The following PTPRO variants were observed in gnomAD, a reference collection of about 807,000 sequenced individuals.
The protein encoded by PTPRO is receptor-type tyrosine-protein phosphatase O.
A neutral mutation model predicts 145.2 loss-of-function variants in PTPRO; 62 were observed. That is an observed-to-expected ratio of 0.43 (90% CI 0.35 to 0.53). The LOEUF (loss-of-function observed/expected upper bound fraction) is 0.53, where lower values mean the gene tolerates loss of function less well. Among genes scored for constraint, PTPRO ranks in the 20% least tolerant of loss-of-function variants. PTPRO has a pLI of 0.01. For missense variants in PTPRO, 1,345 were observed against 1,482.7 expected (o/e 0.91, Z 1.53); for synonymous variants, 565 against 514.7 (o/e 1.10, Z -1.32).
intron 10 of PTPRO, among the ~76,000 whole-genome samples, chr12:15,523,569 G>A (rs1187721706): frequency 1.3e-5 from 2 of 152,044 alleles, no homozygotes; most frequent in Non-Finnish European, 2.9e-5. Flanking sequence ...GAGCCCAGGA[G>A]TTCAAGACAA....
At chr12:15,563,166 T>A (rs1943817188) in intron 17 of PTPRO, among the ~76,000 whole-genome samples, 2 of 152,144 alleles carry the variant, frequency 1.3e-5, no homozygotes, top group Non-Finnish European at 2.9e-5. Context: ...TTACCTAATA[T>A]AAGTGAAAGA....
At chr12:15,336,231 T>TA (rs201694522) in intron 1 of PTPRO, among the ~76,000 whole-genome samples, 34,666 of 146,302 alleles carry the variant, frequency 0.24, 4,212 homozygotes, top group Non-Finnish European at 0.3. Context: ...GTGTGTATGT[T>TA]AAAAAAAAAA....
chr12:15,366,240 G>A (rs193031098), intron 1 of PTPRO, among the ~76,000 whole-genome samples: 5 of 152,134 alleles, frequency 3.3e-5, no homozygotes, highest in Admixed American at 6.5e-5. Context: ...AAATACTTTC[G>A]GTTGCTAGTT....
intron 1 of PTPRO, among the ~76,000 whole-genome samples, chr12:15,389,386 C>G (rs144998687): frequency 6.6e-6 from 1 of 152,012 alleles, no homozygotes; most frequent in East Asian, 1.9e-4. Flanking sequence ...GGATTACAGG[C>G]GAGAGACACC....
chr12:15,586,882 CT>C lies in PTPRO; in HGVS notation c.3256-9del. 1 of 1,613,842 alleles carries C rather than the reference CT, an allele frequency of 6.2e-7. No homozygotes were observed. On this transcript the variant is annotated splice_polypyrimidine_tract_variant and intron_variant, in intron 23 of 26. Coordinates refer to ENST00000281171, the MANE Select transcript of PTPRO (RefSeq NM_030667.3). Reference sequence around the variant, plus strand: ...CTGAAAAATTAATGCTTGTTTTTGGCTTTTTTCTCTAAAGGCTGACGAGATG... The same window carrying C: ...CTGAAAAATTAATGCTTGTTTTTGGCTTTTTCTCTAAAGGCTGACGAGATG...
At chr12:15,592,134 T>C (rs920796054) in intron 25 of PTPRO, among the ~76,000 whole-genome samples, 3 of 152,130 alleles carry the variant, frequency 2.0e-5, no homozygotes, top group Non-Finnish European at 4.4e-5. Context: ...TACCTTTATT[T>C]TTTCCTTGTT....
chr12:15,466,179 T>C (rs1055773721), intron 1 of PTPRO, among the ~76,000 whole-genome samples: 4 of 152,216 alleles, frequency 2.6e-5, no homozygotes, highest in African/African-American at 9.6e-5. Context: ...TCCTGTTGTT[T>C]TCATAATTCT....
At chr12:15,362,660 G>T (rs923618597) in intron 1 of PTPRO, among the ~76,000 whole-genome samples, 2 of 151,798 alleles carry the variant, frequency 1.3e-5, no homozygotes, top group South Asian at 4.2e-4. Flanking sequence ...AGTGAATTAA[G>T]AACATGAAAT....
At chr12:15,486,966 C>T (rs1407962290) in intron 2 of PTPRO, among the ~76,000 whole-genome samples, 2 of 152,040 alleles carry the variant, frequency 1.3e-5, no homozygotes, top group East Asian at 1.9e-4. Context: ...AGACACCTTT[C>T]GTTCATCACA....
In PTPRO at chr12:15,426,481, T is replaced by C. The variant is rs987155700; in HGVS notation, c.76-57493T>C. Among the ~76,000 whole-genome samples, 6 of 152,216 alleles carry C rather than the reference T, an allele frequency of 3.9e-5. No individual in the cohort carries two copies. The East Asian group carries it at 5.8e-4, about 15-fold the overall frequency. The stretch of plus-strand genomic sequence containing the variant: ...TTAATTTTCTAGTTCCTGGTTTTAA[T>C]TGAAATTCTTTGTATATTTCACCAG... On this transcript the variant is annotated intron_variant, in intron 1 of 26. Coordinates refer to ENST00000281171, the MANE Select transcript of PTPRO (RefSeq NM_030667.3).
chr12:15,369,256 C>T (rs1015471100), intron 1 of PTPRO, among the ~76,000 whole-genome samples: 2 of 152,066 alleles, frequency 1.3e-5, no homozygotes, highest in Non-Finnish European at 2.9e-5. Context: ...GGGAAACATA[C>T]CCTATGATTA....
intron 1 of PTPRO, among the ~76,000 whole-genome samples, chr12:15,349,356 T>C (rs1302268624): frequency 6.6e-6 from 1 of 152,192 alleles, no homozygotes; most frequent in Non-Finnish European, 1.5e-5. Context: ...ACATGAGGAC[T>C]TGTTTGTCCC....
intron 15 of PTPRO, among the ~76,000 whole-genome samples, chr12:15,551,969 C>T (rs971663757): frequency 6.9e-6 from 1 of 145,920 alleles, no homozygotes; most frequent in East Asian, 2.0e-4. Flanking sequence ...TACTTTCATA[C>T]ACATTTGGAA....
intron 1 of PTPRO, among the ~76,000 whole-genome samples, chr12:15,359,181 T>C (rs907383594): frequency 6.6e-6 from 1 of 152,212 alleles, no homozygotes; most frequent in African/African-American, 2.4e-5. Context: ...CCTCACTTTG[T>C]AGACCACTAA....
chr12:15,421,066 A>G (rs1043502230), intron 1 of PTPRO, among the ~76,000 whole-genome samples: 2 of 152,190 alleles, frequency 1.3e-5, no homozygotes, highest in Non-Finnish European at 2.9e-5. Flanking sequence ...TTGTTTATTT[A>G]TCTATTTCTC....
At position 15,580,726 on chromosome 12, in the gene PTPRO, C is replaced by T. The variant is rs1169510078; in HGVS notation, c.3027C>T (p.Ala1009=). The T allele has an allele frequency of 1.2e-6, 2 of 1,614,042 alleles. No homozygotes were observed. Among genetic ancestry groups the T allele is most frequent in the South Asian group, 2.2e-5 (2 of 91,074 alleles). The change falls in exon 22 of 27, where the codon GCC becomes GCT. Residue 1009 remains alanine (A), a synonymous_variant. Transcript: ENST00000281171. ...ACAACTCACCCCAGGAGTATATTGC[C>T]ACCCAGGGGCCACTGCCTGAAACCA... ...PGYNSPQEYI[A]TQGPLPETRN... is the part of the protein sequence containing the mutation.
intron 1 of PTPRO, among the ~76,000 whole-genome samples, chr12:15,359,109 A>G (rs1454794642): frequency 1.3e-5 from 2 of 152,342 alleles, no homozygotes; most frequent in South Asian, 2.1e-4. Context: ...GTTTGATATA[A>G]GTGACATTCA....
intron 2 of PTPRO, among the ~76,000 whole-genome samples, chr12:15,489,761 C>T (rs556015438): frequency 2.6e-5 from 4 of 152,226 alleles, no homozygotes; most frequent in South Asian, 2.1e-4. Context: ...TTGCCCTGTT[C>T]AAATGCCTCT....
At chr12:15,567,345 A>ACTT (rs747888722) in intron 18 of PTPRO, among the ~76,000 whole-genome samples, 5 of 151,374 alleles carry the variant, frequency 3.3e-5, no homozygotes, top group Non-Finnish European at 7.4e-5. Flanking sequence ...TTCTATCTCC[A>ACTT]CTTGTCTTCA....
Sources: gnomAD v4.1 joint callset for allele counts (sites outside exome capture counted in the v4.1 genomes callset) on GRCh38, gnomAD v4.1.1 for gene constraint, MANE v1.5 for transcripts, NCBI Gene and HGNC (gene_info 2026-07-23, HGNC 2026-07-21) for gene names.